CUL5: variants seen among roughly 807,000 people sequenced by gnomAD.
CUL5 encodes the protein cullin 5.
A neutral mutation model predicts 108.8 loss-of-function variants in CUL5; 26 were observed. The observed-to-expected ratio is 0.24, with a 90% confidence interval of 0.18 to 0.33. CUL5 has a LOEUF of 0.33. CUL5 is among the 10% of genes least tolerant of loss of function. CUL5 has a pLI of 1.00. For missense variants in CUL5, 524 were observed against 909.2 expected, an observed-to-expected ratio of 0.58 and a Z score of 5.45; for synonymous variants, 334 against 298.0, an observed-to-expected ratio of 1.12 and a Z score of -1.25.
chr11:108,029,755 T>C (rs989108606), intron 1 of CUL5, among the ~76,000 whole-genome samples: 8 of 152,244 alleles, frequency 5.3e-5, no homozygotes, highest in African/African-American at 1.9e-4. Context: ...TTATTATGTG[T>C]TCCATCAAAA....
At chr11:108,097,419 T>G (rs1182940192) in intron 16 of CUL5, among the ~76,000 whole-genome samples, 2 of 152,226 alleles carry the variant, frequency 1.3e-5, no homozygotes. Flanking sequence ...TTTCTTGTCT[T>G]ACTGTAAAGA....
chr11:108,079,016 A>G (rs1336087241), intron 11 of CUL5, among the ~76,000 whole-genome samples: 1 of 152,192 alleles, frequency 6.6e-6, no homozygotes, highest in East Asian at 1.9e-4. Context: ...TGTGAAACAT[A>G]TAGCACTGCA....
chr11:108,070,791 G>C (rs1863802470), intron 8 of CUL5, among the ~76,000 whole-genome samples: 1 of 151,984 alleles, frequency 6.6e-6, no homozygotes, highest in Admixed American at 6.6e-5. Flanking sequence ...TGAGTTTCCA[G>C]GTTTTATTAT....
intron 8 of CUL5, among the ~76,000 whole-genome samples, chr11:108,070,749 T>G (rs1863801492): frequency 6.6e-6 from 1 of 152,202 alleles, no homozygotes; most frequent in Admixed American, 6.5e-5. Flanking sequence ...TAACATTTTT[T>G]TGCTTTTGTT....
intron 1 of CUL5, among the ~76,000 whole-genome samples, chr11:108,032,460 A>G (rs1862614487): frequency 6.6e-6 from 1 of 152,116 alleles, no homozygotes. Context: ...GTTAGCTATG[A>G]TCACTCCACT....
chr11:108,073,376 C>A lies in CUL5; in HGVS notation c.1006-14C>A, dbSNP rs749578838. 4.8e-6 allele frequency: 6 copies of A among 1,248,442 alleles called. No homozygotes were observed. Among genetic ancestry groups the A allele is most frequent in the African/African-American group, 3.0e-5 (2 of 65,810 alleles). 77.3% of individuals were successfully genotyped at this position (1,248,442 alleles called of 1,614,324 possible). ...TTTCTTTTAAAAACTTAATGTAAAACCTTTTGTTTCTAGGACTCTGAGAAA... is the reference window on the plus strand; with the variant it reads ...TTTCTTTTAAAAACTTAATGTAAAAACTTTTGTTTCTAGGACTCTGAGAAA... On this transcript the variant is annotated splice_polypyrimidine_tract_variant and intron_variant, in intron 9 of 18. Transcript: ENST00000393094.
At chr11:108,076,196 CTAATTTG>C (rs960331954) in intron 10 of CUL5, among the ~76,000 whole-genome samples, 1 of 151,890 alleles carries the variant, frequency 6.6e-6, no homozygotes, top group Non-Finnish European at 1.5e-5. Flanking sequence ...CTATGTTTGG[CTAATTTG>C]TAATTTTTTT....
chr11:108,075,687 C>T (rs1043583297), intron 10 of CUL5, among the ~76,000 whole-genome samples: 1 of 152,044 alleles, frequency 6.6e-6, no homozygotes, highest in African/African-American at 2.4e-5. Context: ...GAGCACATAC[C>T]ACCACACCTG....
Position 108,049,933 on chromosome 11 carries a change from A to G in CUL5, c.278A>G (p.Tyr93Cys), listed in dbSNP as rs1295278693. ...GATGATACGGCTTTGCTAAAAGCAT[A>G]TATTGTTGAATGGCGAAAGTTCTTT... Reference protein sequence around the residue: ...HQDDTALLKAYIVEWRKFFTQ... With the variant: ...HQDDTALLKACIVEWRKFFTQ... Residue 93 changes from tyrosine to cysteine, a missense_variant, in exon 4 of 19, where the codon TAT becomes TGT. Tyr to Cys is a radical substitution (Grantham distance 194, BLOSUM62 -2). Coordinates refer to ENST00000393094, the MANE Select transcript of CUL5 (RefSeq NM_003478.6). The G allele has an allele frequency of 6.2e-7, 1 of 1,613,716 alleles. No homozygotes were observed. Among genetic ancestry groups the G allele is most frequent in the Non-Finnish European group, 8.5e-7 (1 of 1,179,880 alleles).
intron 1 of CUL5, among the ~76,000 whole-genome samples, chr11:108,030,366 G>T (rs1187579983): frequency 6.6e-6 from 1 of 152,190 alleles, no homozygotes; most frequent in Admixed American, 6.5e-5. Context: ...GGCTGGGTGC[G>T]GTGGCTCACG....
intron 13 of CUL5, among the ~76,000 whole-genome samples, chr11:108,091,733 G>A (rs1301239498): frequency 3.0e-5 from 2 of 67,052 alleles, no homozygotes; most frequent in Non-Finnish European, 6.7e-5. Context: ...ACACACACAC[G>A]ACAAATAATT....
intron 1 of CUL5, among the ~76,000 whole-genome samples, chr11:108,030,568 C>T (rs993307003): frequency 3.3e-5 from 5 of 152,136 alleles, no homozygotes; most frequent in Non-Finnish European, 2.9e-5. Context: ...ACCCGGGAGG[C>T]GGAGGTTGCG....
intron 7 of CUL5, among the ~76,000 whole-genome samples, chr11:108,062,982 A>G (rs569877599): frequency 6.6e-6 from 1 of 152,136 alleles, no homozygotes; most frequent in South Asian, 2.1e-4. Flanking sequence ...AGTAGCTGGG[A>G]TTACAGGCAT....
At chr11:108,022,586 AC>A (rs1428467696) in intron 1 of CUL5, among the ~76,000 whole-genome samples, 3 of 151,566 alleles carry the variant, frequency 2.0e-5, no homozygotes, top group East Asian at 1.9e-4. Context: ...GATAACACTT[AC>A]CCCCAGCCCA....
intron 7 of CUL5, among the ~76,000 whole-genome samples, chr11:108,059,147 G>C (rs1171827327): frequency 6.6e-6 from 1 of 152,110 alleles, no homozygotes; most frequent in Non-Finnish European, 1.5e-5. Flanking sequence ...TGAGTTGCTG[G>C]GACAGTAGGC....
intron 5 of CUL5, among the ~76,000 whole-genome samples, chr11:108,053,768 T>C (rs937052923): frequency 3.2e-4 from 48 of 150,838 alleles, no homozygotes; most frequent in Non-Finnish European, 6.3e-4. Context: ...AGCCTCCACC[T>C]CTCAGGCTTA....
chr11:108,082,541 T>C (rs941458163), intron 11 of CUL5, among the ~76,000 whole-genome samples: 1 of 152,118 alleles, frequency 6.6e-6, no homozygotes, highest in African/African-American at 2.4e-5. Context: ...CCCCTCAAAG[T>C]GCTAGGATTA....
At chr11:108,097,601 A>G (rs367811912) in intron 16 of CUL5, 35 bp from the exon 17 acceptor site, 70 of 1,194,896 alleles carry the variant, frequency 5.9e-5, no homozygotes, top group Non-Finnish European at 8.2e-5. Flanking sequence ...CATACTGTTT[A>G]TAGATGCTAA....
chr11:108,038,028 C>T (rs1862789662), intron 2 of CUL5, among the ~76,000 whole-genome samples: 2 of 152,164 alleles, frequency 1.3e-5, no homozygotes, highest in Middle Eastern at 6.8e-3. Flanking sequence ...TTCTAATTTC[C>T]GAAATGATGT....
Sources: gnomAD v4.1 joint callset for allele counts (sites outside exome capture counted in the v4.1 genomes callset) on GRCh38, gnomAD v4.1.1 for gene constraint, MANE v1.5 for transcripts, NCBI Gene and HGNC (gene_info 2026-07-23, HGNC 2026-07-21) for gene names.